The following GCFC2 variants were observed in gnomAD, a reference collection of about 807,000 sequenced individuals.
GCFC2 encodes the protein intron Large complex component GCFC2.
In GCFC2, 102 loss-of-function variants were observed where a neutral mutation model predicts 99.4. The observed-to-expected ratio is 1.03, with a 90% CI of 0.87 to 1.21. The LOEUF is 1.21. Ranked by LOEUF, GCFC2 falls within the 50% of genes most tolerant of loss-of-function variation. The pLI is 0.00. For missense variants in GCFC2, 973 were observed against 920.9 expected (o/e 1.06, Z -0.73); for synonymous variants, 338 against 316.8 (o/e 1.07, Z -0.71).
intron 11 of GCFC2, among the ~76,000 whole-genome samples, chr2:75,684,035 C>G (rs1039427140): frequency 4.6e-5 from 7 of 152,102 alleles, no homozygotes; most frequent in African/African-American, 1.4e-4. Context: ...TAGTGGGAGC[C>G]TTTAACATCC....
chr2:75,700,959 GC>G (rs1680558430), intron 4 of GCFC2, among the ~76,000 whole-genome samples: 1 of 152,192 alleles, frequency 6.6e-6, no homozygotes, highest in Non-Finnish European at 1.5e-5. Flanking sequence ...GTAGTCACAA[GC>G]CAAGAAACAC....
At chr2:75,692,718 T>G (rs1208201334) in intron 6 of GCFC2, among the ~76,000 whole-genome samples, 2 of 151,790 alleles carry the variant, frequency 1.3e-5, no homozygotes, top group Non-Finnish European at 2.9e-5. Flanking sequence ...GATAGAAGAT[T>G]TTTTTTTGAG....
chr2:75,712,642 C>G (rs532857991), upstream of GCFC2, among the ~76,000 whole-genome samples: 3 of 152,248 alleles, frequency 2.0e-5, no homozygotes, highest in Non-Finnish European at 2.9e-5. Context: ...CTACTGCTGA[C>G]TCTTTGGGTC....
At chr2:75,667,451 T>C (rs1332021162) in intron 15 of GCFC2, among the ~76,000 whole-genome samples, 1 of 152,212 alleles carries the variant, frequency 6.6e-6, no homozygotes, top group Non-Finnish European at 1.5e-5. Flanking sequence ...GAATGCGCTC[T>C]TTCTAAGATT....
At chr2:75,668,030 A>T (rs1480577851) in intron 15 of GCFC2, among the ~76,000 whole-genome samples, 1 of 152,174 alleles carries the variant, frequency 6.6e-6, no homozygotes, top group Non-Finnish European at 1.5e-5. Flanking sequence ...ATTTTGATGA[A>T]TGTGTAAGTT....
chr2:75,691,081 C>T (rs1313907766), intron 7 of GCFC2, among the ~76,000 whole-genome samples: 1 of 152,078 alleles, frequency 6.6e-6, no homozygotes, highest in African/African-American at 2.4e-5. Context: ...ATACAGGAGT[C>T]CCCCCTAATC....
chr2:75,711,235 G>C (rs1681170363), upstream of GCFC2: 2 of 984,716 alleles, frequency 2.0e-6, no homozygotes, highest in Non-Finnish European at 2.4e-6. Flanking sequence ...AGCCAGATCC[G>C]TTGTCTTTTA....
chr2:75,690,760 A>G (rs771120393), intron 7 of GCFC2, 41 bp from the exon 8 acceptor site: 7 of 929,100 alleles, frequency 7.5e-6, no homozygotes, highest in Non-Finnish European at 1.0e-5. Flanking sequence ...CAAATTCTCA[A>G]AAGAAAAAAG....
intron 11 of GCFC2, among the ~76,000 whole-genome samples, chr2:75,682,741 A>G (rs1306521202): frequency 2.0e-5 from 3 of 152,024 alleles, no homozygotes; most frequent in Non-Finnish European, 2.9e-5. Context: ...CAGTTTAGAG[A>G]AGAATACAAA....
chr2:75,710,869 G>A lies in GCFC2; in HGVS notation c.-14C>T, dbSNP rs760213341. The A allele has an allele frequency of 4.6e-6, 7 of 1,536,380 alleles. No individual in the cohort carries two copies. In the South Asian group the frequency reaches 7.1e-5, roughly 15 times the overall value. On this transcript the variant is annotated 5_prime_UTR_variant, in exon 1 of 17. Transcript: ENST00000321027. ...CCTGTGAGCCATGGCCGAGGCCCGA[G>A]CGCCCGGCGCCCTAGAACCCGCTGA...
At chr2:75,678,416 T>A (rs1332444842) in intron 12 of GCFC2, among the ~76,000 whole-genome samples, 2 of 152,216 alleles carry the variant, frequency 1.3e-5, no homozygotes, top group African/African-American at 2.4e-5. Flanking sequence ...TCCATCTATT[T>A]TACTTGAGTT....
At chr2:75,677,885 G>C (rs1679417141) in intron 12 of GCFC2, among the ~76,000 whole-genome samples, 1 of 151,988 alleles carries the variant, frequency 6.6e-6, no homozygotes, top group Non-Finnish European at 1.5e-5. Flanking sequence ...GGCTGAGGCA[G>C]GAGAATTGCT....
intron 2 of GCFC2, among the ~76,000 whole-genome samples, chr2:75,705,892 G>T (rs1403104603): frequency 6.6e-6 from 1 of 152,176 alleles, no homozygotes; most frequent in African/African-American, 2.4e-5. Context: ...CTCTGCTGCT[G>T]CAGTGCAAAA....
At chr2:75,706,448 T>A in intron 2 of GCFC2, 75 bp downstream of exon 2, 1 of 954,226 alleles carries the variant, frequency 1.0e-6, no homozygotes, top group Non-Finnish European at 1.6e-6. Flanking sequence ...TAGAGTTTGT[T>A]ATGTCATTAA....
At chr2:75,672,326 ATATATATT>A (rs1237774360) in intron 13 of GCFC2, among the ~76,000 whole-genome samples, 5 of 139,010 alleles carry the variant, frequency 3.6e-5, no homozygotes, top group African/African-American at 1.3e-4. Context: ...TGTTTATAAA[ATATATATT>A]TATATATTTA....
intron 12 of GCFC2, among the ~76,000 whole-genome samples, chr2:75,676,647 G>A (rs989594897): frequency 6.6e-6 from 1 of 152,074 alleles, no homozygotes; most frequent in African/African-American, 2.4e-5. Context: ...CCATGTACCT[G>A]TTTTCTGTTA....
At position 75,665,025 on chromosome 2, in the gene GCFC2, C is replaced by T. The variant is rs368873847; in HGVS notation, c.2229-242G>A. ...TGAATTACTGTAAAAGGTAGAAAAG[C>T]ATATAGTAAGTCTATCAGAAATTTC... On this transcript the variant is annotated intron_variant, in intron 16 of 16. Transcript: ENST00000321027. 2.6e-5 allele frequency among the ~76,000 whole-genome samples: 4 copies of T among 152,076 alleles called. No homozygotes were observed. In the East Asian group the frequency reaches 5.8e-4, roughly 22 times the overall value.
chr2:75,712,790 C>T (rs1328041501), upstream of GCFC2, among the ~76,000 whole-genome samples: 3 of 152,088 alleles, frequency 2.0e-5, no homozygotes, highest in African/African-American at 4.8e-5. Flanking sequence ...CCCAGACGCG[C>T]CACCTTAAGA....
At position 75,702,253 on chromosome 2, in the gene GCFC2, T is replaced by C. The variant is rs2104402919; in HGVS notation, c.565A>G (p.Ile189Val). 1.2e-6 allele frequency: 2 copies of C among 1,612,570 alleles called. No individual in the cohort carries two copies. The highest frequency in any genetic ancestry group is 1.7e-6 in the Non-Finnish European group (2 of 1,178,532). Residue 189 changes from isoleucine to valine, a missense_variant, in exon 3 of 17, where the codon ATA becomes GTA. Coordinates refer to ENST00000321027, the MANE Select transcript of GCFC2 (RefSeq NM_003203.5). The part of the protein sequence containing the change: ...ESEPDDHEKR[I>V]PFTLRPQTLR... ...GTTTGAGGTCTTAGAGTAAATGGTA[T>C]TCTCTTTTCATGGTCATCAGGCTCA...
Sources: gnomAD v4.1 joint callset for allele counts (sites outside exome capture counted in the v4.1 genomes callset) on GRCh38, gnomAD v4.1.1 for gene constraint, MANE v1.5 for transcripts, NCBI Gene and HGNC (gene_info 2026-07-23, HGNC 2026-07-21) for gene names.